Variants in OSBPL5 observed in about 807,000 individuals in gnomAD.
OSBPL5 encodes the protein oxysterol binding protein like 5.
OSBPL5 carries 71 observed loss-of-function variants against 111.2 expected under a neutral mutation model. The ratio of observed to expected loss-of-function variants is 0.64; its 90% CI spans 0.53 to 0.78. The LOEUF is 0.78. Among genes scored for constraint, OSBPL5 ranks in the 30% least tolerant of loss-of-function variants. The probability of loss-of-function intolerance (pLI) is 0.00; values close to 1 mark genes in which losing one functional copy is unlikely to be tolerated. For missense variants in OSBPL5, 1,210 were observed against 1,189.3 expected, an observed-to-expected ratio of 1.02 and a Z score of -0.26; for synonymous variants, 549 against 513.9, an observed-to-expected ratio of 1.07 and a Z score of -0.93.
intron 1 of OSBPL5, among the ~76,000 whole-genome samples, chr11:3,137,855 T>C (rs1032471247): frequency 6.6e-6 from 1 of 152,078 alleles, no homozygotes; most frequent in African/African-American, 2.4e-5. Flanking sequence ...CCATCTAAGG[T>C]CTCGTGGGCC....
intron 19 of OSBPL5, among the ~76,000 whole-genome samples, chr11:3,091,907 C>T (rs1012620940): frequency 3.3e-5 from 5 of 152,098 alleles, no homozygotes; most frequent in South Asian, 2.1e-4. Context: ...ACGGCTGGGG[C>T]GGTGCAGCTC....
chr11:3,108,954 G>T (rs1475829276), intron 7 of OSBPL5, among the ~76,000 whole-genome samples: 2 of 152,104 alleles, frequency 1.3e-5, no homozygotes, highest in African/African-American at 4.8e-5. Flanking sequence ...TTTTAGTAGA[G>T]ACAGGGTTTC....
intron 13 of OSBPL5, among the ~76,000 whole-genome samples, chr11:3,101,278 G>T (rs1857446678): frequency 8.0e-6 from 1 of 124,232 alleles, no homozygotes; most frequent in Non-Finnish European, 1.7e-5. Flanking sequence ...CTTTGACTAA[G>T]TTTCATTTCA....
rs749199588 is a variant in OSBPL5 at position 3,100,292 on chromosome 11, G to C, written c.1523-36C>G. 3 of 1,594,048 alleles carry C rather than the reference G, an allele frequency of 1.9e-6. No individual in the cohort carries two copies. The East Asian group carries it at 6.7e-5, about 36-fold the overall frequency. ...AAGAGACAGCAGGACCAGTGAGTGC[G>C]GACAGCCCTTTCACATCTGAGGCCA... On this transcript the variant is annotated intron_variant, in intron 13 of 21. Transcript: ENST00000263650.
At chr11:3,138,655 C>G (rs1164756179) in intron 1 of OSBPL5, among the ~76,000 whole-genome samples, 1 of 152,230 alleles carries the variant, frequency 6.6e-6, no homozygotes, top group Non-Finnish European at 1.5e-5. Context: ...TGAATGCCCT[C>G]AGGCACACCT....
In OSBPL5 at chr11:3,129,040, C is replaced by T; in HGVS notation, c.109G>A (p.Asp37Asn). The T allele has an allele frequency of 6.3e-7, 1 of 1,587,414 alleles. No individual in the cohort carries two copies. Residue 37 changes from aspartate (D) to asparagine (N), a missense_variant, in exon 2 of 22, where the codon GAC (aspartate) becomes AAC (asparagine). By Grantham distance (23) the Asp-to-Asn change is conservative. Coordinates refer to ENST00000263650, the MANE Select transcript of OSBPL5 (RefSeq NM_020896.4). ...KLTRNLLLSG[D>N]NELYPLSPGK... Reference sequence around the variant, plus strand: ...GGGCTGAGTGGGTAGAGCTCATTGTCTCCGCTGAGGAGCAAGTTCCGGGTG... The same window carrying T: ...GGGCTGAGTGGGTAGAGCTCATTGTTTCCGCTGAGGAGCAAGTTCCGGGTG...
intron 1 of OSBPL5, among the ~76,000 whole-genome samples, chr11:3,139,150 G>GCTGT (rs1846035837): frequency 1.3e-5 from 2 of 152,186 alleles, no homozygotes; most frequent in African/African-American, 4.8e-5. Flanking sequence ...CACCACCACA[G>GCTGT]CTGTTCCCGT....
chr11:3,128,608 G>A (rs1858716532), intron 2 of OSBPL5, among the ~76,000 whole-genome samples: 1 of 152,168 alleles, frequency 6.6e-6, no homozygotes, highest in African/African-American at 2.4e-5. Flanking sequence ...TACTAATATT[G>A]TCCCATTTTA....
Position 3,092,334 on chromosome 11 carries a change from G to C in OSBPL5, c.2259+98C>G, listed in dbSNP as rs1178124093. Reference sequence around the variant, plus strand: ...GGGGGATGAGGGCGTGAGGGAAACGGAGCGAGGGGAAGGGAGGAGTGAGGT... The same window carrying C: ...GGGGGATGAGGGCGTGAGGGAAACGCAGCGAGGGGAAGGGAGGAGTGAGGT... On this transcript the variant is annotated intron_variant, in intron 19 of 21. Coordinates refer to ENST00000263650, the MANE Select transcript of OSBPL5 (RefSeq NM_020896.4). The surrounding 1 kb of genome is among the most constrained non-coding windows in gnomAD (Gnocchi z 5.4). 12 of 1,418,320 alleles carry C rather than the reference G, an allele frequency of 8.5e-6. No individual in the cohort carries two copies. The East Asian group carries it at 2.3e-4, about 27-fold the overall frequency. The allele number at this position is 1,418,320 out of a possible 1,614,324, so 87.9% of individuals were successfully genotyped here.
At chr11:3,122,124 T>C (rs1858440165) in intron 4 of OSBPL5, 26 bp from the exon 5 acceptor site, 1 of 1,542,162 alleles carries the variant, frequency 6.5e-7, no homozygotes, top group Admixed American at 1.9e-5. Flanking sequence ...CCGCGGTGGG[T>C]CATGGGAGAA....
chr11:3,160,672 T>TCCCC (rs71035491), intron 1 of OSBPL5, among the ~76,000 whole-genome samples: 7 of 122,538 alleles, frequency 5.7e-5, no homozygotes, highest in African/African-American at 1.6e-4. Context: ...ATGACAACCC[T>TCCCC]CCCCCCCCCC....
intron 1 of OSBPL5, among the ~76,000 whole-genome samples, chr11:3,134,085 C>G (rs1377578217): frequency 6.6e-6 from 1 of 152,152 alleles, no homozygotes; most frequent in Non-Finnish European, 1.5e-5. Context: ...AGGCAGGCGA[C>G]AGGTGGGCCC....
intron 13 of OSBPL5, among the ~76,000 whole-genome samples, chr11:3,100,679 G>T (rs1364114938): frequency 6.6e-6 from 1 of 152,140 alleles, no homozygotes; most frequent in Non-Finnish European, 1.5e-5. Context: ...GAACCTGAGG[G>T]TCGCACCTGG....
At chr11:3,111,194 G>T (rs563743590) in intron 7 of OSBPL5, among the ~76,000 whole-genome samples, 1 of 131,964 alleles carries the variant, frequency 7.6e-6, no homozygotes, top group Non-Finnish European at 1.6e-5. Context: ...CTCAAAATTT[G>T]GTCGAGATCT....
chr11:3,103,848 T>C (rs185880870), intron 10 of OSBPL5, among the ~76,000 whole-genome samples: 3,857 of 53,924 alleles, frequency 0.072, 254 homozygotes, highest in African/African-American at 0.15. Flanking sequence ...CTGCAGCCCC[T>C]TTCCAGTCTG....
chr11:3,132,778 T>C (rs1845847224), intron 1 of OSBPL5, among the ~76,000 whole-genome samples: 2 of 152,168 alleles, frequency 1.3e-5, no homozygotes, highest in Admixed American at 1.3e-4. Flanking sequence ...GGGCTCCACA[T>C]TGCACTTCTT....
intron 1 of OSBPL5, among the ~76,000 whole-genome samples, chr11:3,158,294 G>A (rs1327195707): frequency 2.6e-5 from 4 of 152,244 alleles, no homozygotes; most frequent in Admixed American, 1.3e-4. Flanking sequence ...CAGCATGGGC[G>A]CTGGAGTGGG....
chr11:3,115,933 A>G (rs566181401), intron 7 of OSBPL5, among the ~76,000 whole-genome samples: 4 of 150,402 alleles, frequency 2.7e-5, no homozygotes, highest in Non-Finnish European at 5.9e-5. Context: ...ATTATTTTAC[A>G]ATGACTTGTA....
intron 1 of OSBPL5, among the ~76,000 whole-genome samples, chr11:3,131,542 T>TCCACCCACCCAC (rs1564849749): frequency 7.5e-6 from 1 of 134,026 alleles, no homozygotes; most frequent in Non-Finnish European, 1.6e-5. Context: ...CATCCATCCA[T>TCCACCCACCCAC]CCATCCACCC....
Sources: allele counts gnomAD v4.1 joint callset (sites outside exome capture counted in the v4.1 genomes callset), GRCh38; gene constraint gnomAD v4.1.1; non-coding constraint Gnocchi (gnomAD v3.1); transcripts MANE v1.5; gene names NCBI Gene and HGNC (gene_info 2026-07-23, HGNC 2026-07-21).